ZBTB20: variants seen among roughly 807,000 people sequenced by gnomAD.
ZBTB20 encodes zinc finger and BTB domain-containing protein 20.
Under a neutral mutation model 56.9 loss-of-function variants are expected in ZBTB20, and 9 were observed. The ratio of observed to expected loss-of-function variants is 0.16; its 90% CI spans 0.10 to 0.28. The LOEUF is 0.28. ZBTB20 is among the 10% of genes least tolerant of loss of function. The pLI is 1.00. For missense variants in ZBTB20, 655 were observed against 1,003.0 expected (o/e 0.65, Z 4.69); for synonymous variants, 417 against 420.7 (o/e 0.99, Z 0.11).
chr3:114,610,141 C>G (rs2057445666), intron 6 of ZBTB20, among the ~76,000 whole-genome samples: 1 of 152,182 alleles, frequency 6.6e-6, no homozygotes. Flanking sequence ...ACCCGCAGTT[C>G]TTGCCCATCA....
intron 10 of ZBTB20, among the ~76,000 whole-genome samples, chr3:114,354,150 CT>C (rs1216966438): frequency 6.6e-6 from 1 of 152,148 alleles, no homozygotes; most frequent in Non-Finnish European, 1.5e-5. Flanking sequence ...ACTTAAAGGA[CT>C]TATTTTTTTA....
At chr3:114,949,481 T>C (rs985891762) in intron 3 of ZBTB20, among the ~76,000 whole-genome samples, 1 of 146,374 alleles carries the variant, frequency 6.8e-6, no homozygotes, top group East Asian at 1.9e-4. Flanking sequence ...AAAAGACAAC[T>C]ATAAGGTCAG....
At chr3:115,109,148 C>T (rs2083804720) in intron 1 of ZBTB20, among the ~76,000 whole-genome samples, 1 of 152,156 alleles carries the variant, frequency 6.6e-6, no homozygotes, top group South Asian at 2.1e-4. Context: ...ATCCTCTCTA[C>T]TAAACAATCT....
At chr3:114,574,850 T>A (rs2053839606) in intron 6 of ZBTB20, among the ~76,000 whole-genome samples, 1 of 152,230 alleles carries the variant, frequency 6.6e-6, no homozygotes, top group African/African-American at 2.4e-5. Flanking sequence ...CAGGGGAAAA[T>A]TCATCCCATT....
intron 6 of ZBTB20, among the ~76,000 whole-genome samples, chr3:114,649,429 T>C (rs2060011737): frequency 2.0e-5 from 3 of 152,010 alleles, no homozygotes; most frequent in Admixed American, 2.0e-4. Context: ...TAGAGTTCCA[T>C]GGGATTCTTT....
intron 7 of ZBTB20, among the ~76,000 whole-genome samples, chr3:114,447,333 T>G (rs542722162): frequency 9.2e-5 from 14 of 152,292 alleles, no homozygotes; most frequent in African/African-American, 2.4e-4. Flanking sequence ...TGAAAGGAGA[T>G]CTGCACAGTT....
intron 2 of ZBTB20, among the ~76,000 whole-genome samples, chr3:115,020,664 C>T (rs2108300873): frequency 6.6e-6 from 1 of 150,880 alleles, no homozygotes; most frequent in African/African-American, 2.4e-5. Flanking sequence ...ATAGTCTCTC[C>T]CCTGCCTCAT....
intron 4 of ZBTB20, among the ~76,000 whole-genome samples, chr3:114,821,836 C>G (rs1287177367): frequency 6.6e-6 from 1 of 151,852 alleles, no homozygotes; most frequent in Non-Finnish European, 1.5e-5. Context: ...TTCTGAGTTT[C>G]GGGTTTATGG....
chr3:114,816,960 C>T (rs757138252), intron 4 of ZBTB20, among the ~76,000 whole-genome samples: 8 of 151,412 alleles, frequency 5.3e-5, no homozygotes, highest in Admixed American at 2.0e-4. Context: ...GTTTCCAAGA[C>T]AATAAAAAAA....
chr3:114,858,869 G>A (rs1481513585), intron 4 of ZBTB20, among the ~76,000 whole-genome samples: 2 of 152,112 alleles, frequency 1.3e-5, no homozygotes, highest in Middle Eastern at 3.4e-3. Flanking sequence ...TAACATCACT[G>A]TTGTGATGTC....
chr3:114,759,968 A>G (rs760406342), intron 5 of ZBTB20, among the ~76,000 whole-genome samples: 31 of 152,160 alleles, frequency 2.0e-4, no homozygotes, highest in South Asian at 6.2e-4. Context: ...ACTTGAGTCC[A>G]TTATGCAAAA....
chr3:114,649,022 A>G (rs921293726), intron 6 of ZBTB20, among the ~76,000 whole-genome samples: 2 of 152,048 alleles, frequency 1.3e-5, no homozygotes, highest in African/African-American at 2.4e-5. Flanking sequence ...CTCACCATTT[A>G]AAAATTTAAT....
intron 6 of ZBTB20, among the ~76,000 whole-genome samples, chr3:114,676,771 ATTT>A (rs397873968): frequency 0.019 from 2,394 of 123,268 alleles, 61 homozygotes; most frequent in African/African-American, 0.067. Flanking sequence ...GAACTAGGGG[ATTT>A]TTTTTTTTTT....
intron 5 of ZBTB20, among the ~76,000 whole-genome samples, chr3:114,753,780 T>C (rs2067787485): frequency 1.3e-5 from 2 of 152,168 alleles, no homozygotes; most frequent in South Asian, 4.2e-4. Flanking sequence ...CCTACCCCAT[T>C]ATAATATAAA....
Position 114,863,888 on chromosome 3 carries a change from TCAGCAATTAAAAATTGCTAG to T in ZBTB20, c.-417+36396_-417+36415del, listed in dbSNP as rs577832019. On this transcript the variant is annotated intron_variant, in intron 4 of 11. Coordinates refer to ENST00000675478, the MANE Select transcript of ZBTB20 (RefSeq NM_001348800.3). Reference sequence around the variant, plus strand: ...CATTAAGTTTGGTGTTTAATTGCTATCAGCAATTAAAAATTGCTAGCAGCCCACTTAACATTTTCTTCTTC... The same window carrying T: ...CATTAAGTTTGGTGTTTAATTGCTATCAGCCCACTTAACATTTTCTTCTTC... 1.2e-3 allele frequency among the ~76,000 whole-genome samples: 183 copies of T among 152,138 alleles called. 1 individual carries two copies. The highest frequency in any genetic ancestry group is 4.1e-3 in the Admixed American group (63 of 15,264).
chr3:114,821,468 GT>G (rs1215012298), intron 4 of ZBTB20, among the ~76,000 whole-genome samples: 2 of 152,082 alleles, frequency 1.3e-5, no homozygotes, highest in African/African-American at 2.4e-5. Flanking sequence ...GATCTCTCTA[GT>G]TTGCCTGCAG....
intron 1 of ZBTB20, among the ~76,000 whole-genome samples, chr3:115,135,660 A>G (rs2084632930): frequency 6.6e-6 from 1 of 152,212 alleles, no homozygotes; most frequent in South Asian, 2.1e-4. Flanking sequence ...TAAATATGAA[A>G]AAGTATGTCA....
intron 5 of ZBTB20, among the ~76,000 whole-genome samples, chr3:114,770,932 A>G (rs1276491183): frequency 6.6e-6 from 1 of 152,182 alleles, no homozygotes; most frequent in African/African-American, 2.4e-5. Flanking sequence ...TGTTCAAAAC[A>G]TTTCAGATTT....
At chr3:114,722,321 G>T (rs1242413410) in intron 5 of ZBTB20, among the ~76,000 whole-genome samples, 1 of 152,168 alleles carries the variant, frequency 6.6e-6, no homozygotes, top group African/African-American at 2.4e-5. Flanking sequence ...AAGGCAATGG[G>T]TGTATGCAAA....
Sources: gnomAD v4.1 joint callset for allele counts (sites outside exome capture counted in the v4.1 genomes callset) on GRCh38, gnomAD v4.1.1 for gene constraint, MANE v1.5 for transcripts, NCBI Gene and HGNC (gene_info 2026-07-23, HGNC 2026-07-21) for gene names.